The following AKR1D1 variants were observed in gnomAD, a reference collection of about 807,000 sequenced individuals.
AKR1D1 encodes delta(4)-3-ketosteroid 5-beta-reductase.
AKR1D1 carries 32 observed loss-of-function variants against 42.6 expected under a neutral mutation model. That is an observed-to-expected ratio of 0.75 (90% CI 0.57 to 1.01). AKR1D1 has a LOEUF of 1.01. Ranked by LOEUF, AKR1D1 falls within the 50% of genes least tolerant of loss-of-function variation. AKR1D1 has a pLI of 0.00. For synonymous variants in AKR1D1, 123 were observed against 135.5 expected (o/e 0.91, Z 0.64); for missense variants, 364 against 402.2 (o/e 0.91, Z 0.81).
At chr7:138,080,508 G>A (rs1441870056) in intron 1 of AKR1D1, among the ~76,000 whole-genome samples, 2 of 152,166 alleles carry the variant, frequency 1.3e-5, no homozygotes, top group African/African-American at 4.8e-5. Context: ...TTGAACTTCA[G>A]ATGAACAATG....
Position 138,105,476 on chromosome 7 carries a change from T to C in AKR1D1, c.579+47T>C, listed in dbSNP as rs1204079231. On this transcript the variant is annotated intron_variant, in intron 5 of 8. Transcript: ENST00000242375. The stretch of plus-strand genomic sequence containing the variant: ...TAGGGTGTGGGGAGTGGGGGCAGGA[T>C]TTACATGACACAAAGAAGCCTCAGC... 6.8e-6 allele frequency: 11 copies of C among 1,611,944 alleles called. No individual in the cohort carries two copies. In the Admixed American group the frequency reaches 1.0e-4, roughly 15 times the overall value.
At position 138,098,135 on chromosome 7, in the gene AKR1D1, T is replaced by C. The variant is rs1794220691; in HGVS notation, c.456+192T>C. On this transcript the variant is annotated intron_variant, in intron 4 of 8. Transcript: ENST00000242375. Reference sequence around the variant, plus strand: ...CTGGGTACTAAATAATTCTTACTTTTGTTTTGCTGGAATGCCAAAGAAAAG... The same window carrying C: ...CTGGGTACTAAATAATTCTTACTTTCGTTTTGCTGGAATGCCAAAGAAAAG... 3 of 547,114 alleles carry C rather than the reference T, an allele frequency of 5.5e-6. No individual in the cohort carries two copies. The Admixed American group carries it at 9.8e-5, about 18-fold the overall frequency. 33.9% of individuals were successfully genotyped at this position (547,114 alleles called of 1,614,324 possible).
chr7:138,087,511 A>G (rs73155736), intron 1 of AKR1D1, among the ~76,000 whole-genome samples: 14,856 of 152,248 alleles, frequency 0.098, 829 homozygotes, highest in South Asian at 0.18. Context: ...AATGTTCCTC[A>G]ACAATATTTT....
At chr7:138,094,691 T>C (rs1794151440) in intron 3 of AKR1D1, among the ~76,000 whole-genome samples, 1 of 152,132 alleles carries the variant, frequency 6.6e-6, no homozygotes, top group South Asian at 2.1e-4. Context: ...AATTTTTCAA[T>C]TTTTCTTTTG....
intron 7 of AKR1D1, among the ~76,000 whole-genome samples, chr7:138,113,245 G>A (rs926762651): frequency 6.6e-6 from 1 of 151,968 alleles, no homozygotes; most frequent in Non-Finnish European, 1.5e-5. Context: ...GAACCCAGGA[G>A]GTGGAGGTTG....
chr7:138,109,955 TA>T (rs1240646378), intron 7 of AKR1D1, among the ~76,000 whole-genome samples: 3 of 152,162 alleles, frequency 2.0e-5, no homozygotes, highest in Admixed American at 6.5e-5. Context: ...TCATTGTAAC[TA>T]ATTATGTTAT....
At chr7:138,078,507 A>G (rs141021397) in intron 1 of AKR1D1, among the ~76,000 whole-genome samples, 21 of 152,338 alleles carry the variant, frequency 1.4e-4, no homozygotes, top group Admixed American at 9.8e-4. Flanking sequence ...TACTCTTGGA[A>G]CAATTATATG....
chr7:138,101,388 T>C (rs984636169), intron 4 of AKR1D1, among the ~76,000 whole-genome samples: 4 of 151,904 alleles, frequency 2.6e-5, no homozygotes, highest in African/African-American at 9.7e-5. Context: ...TTAGTAGACA[T>C]GGGGTTTCAC....
At chr7:138,103,110 T>C (rs529666082) in intron 4 of AKR1D1, among the ~76,000 whole-genome samples, 10 of 151,592 alleles carry the variant, frequency 6.6e-5, no homozygotes, top group African/African-American at 2.2e-4. Flanking sequence ...GCAAAAATAA[T>C]GCATGATAAA....
At chr7:138,083,008 T>G (rs932828893) in intron 1 of AKR1D1, among the ~76,000 whole-genome samples, 2 of 152,236 alleles carry the variant, frequency 1.3e-5, no homozygotes, top group Non-Finnish European at 2.9e-5. Context: ...TTTATTTCCT[T>G]TGGATATATA....
rs756927635 is a variant in AKR1D1 at position 138,107,597 on chromosome 7, T to C, written c.855+17T>C. ...AATTTTCAGGTAAGAGAATTGCTTTTGGAGATGTGAAAAGATGGGTATGTT... is the reference window on the plus strand; with the variant it reads ...AATTTTCAGGTAAGAGAATTGCTTTCGGAGATGTGAAAAGATGGGTATGTT... On this transcript the variant is annotated intron_variant, in intron 7 of 8. Coordinates refer to ENST00000242375, the MANE Select transcript of AKR1D1 (RefSeq NM_005989.4). 1 of 1,612,830 alleles carries C rather than the reference T, an allele frequency of 6.2e-7. No homozygotes were observed. Among genetic ancestry groups the C allele is most frequent in the East Asian group, 2.2e-5 (1 of 44,862 alleles).
At chr7:138,111,673 G>A (rs1016920993) in intron 7 of AKR1D1, among the ~76,000 whole-genome samples, 2 of 152,050 alleles carry the variant, frequency 1.3e-5, no homozygotes, top group Non-Finnish European at 2.9e-5. Context: ...ATCCACATAC[G>A]ACAAGAAAAA....
At chr7:138,116,568 A>T in intron 8 of AKR1D1, 52 bp from the exon 9 acceptor site, 1 of 1,604,590 alleles carries the variant, frequency 6.2e-7, no homozygotes, top group South Asian at 1.1e-5. Flanking sequence ...TGAAACATAC[A>T]GCTGTGCAAT....
At chr7:138,094,277 G>A (rs1794141887) in intron 3 of AKR1D1, among the ~76,000 whole-genome samples, 1 of 152,144 alleles carries the variant, frequency 6.6e-6, no homozygotes, top group South Asian at 2.1e-4. Flanking sequence ...TACTTTGGGA[G>A]GCTAAGGCTG....
At chr7:138,098,249 C>A in intron 4 of AKR1D1, 1 of 252,758 alleles carries the variant, frequency 4.0e-6, no homozygotes, top group Non-Finnish European at 7.5e-6. Flanking sequence ...ATTCACAAAT[C>A]AAAAAATATA....
At chr7:138,085,725 G>C (rs546341912) in intron 1 of AKR1D1, among the ~76,000 whole-genome samples, 1 of 152,198 alleles carries the variant, frequency 6.6e-6, no homozygotes, top group African/African-American at 2.4e-5. Flanking sequence ...GGGATTACAG[G>C]TGTGAGCCAC....
chr7:138,086,543 C>T (rs770262757), intron 1 of AKR1D1, among the ~76,000 whole-genome samples: 1 of 152,172 alleles, frequency 6.6e-6, no homozygotes, highest in Non-Finnish European at 1.5e-5. Flanking sequence ...CTCTTATCTT[C>T]TCTATAGTGA....
rs59361346 is a variant in AKR1D1 at position 138,100,088 on chromosome 7, C to CAAAAAAAAAAAA, written c.456+2164_456+2175dup. Reference sequence around the variant, plus strand: ...TGGGCAATATAGCGAGATTTCATCTCAAAAAAAAAAAAAAAAAAAAAAAAA... The same window carrying CAAAAAAAAAAAA: ...TGGGCAATATAGCGAGATTTCATCTCAAAAAAAAAAAAAAAAAAAAAAAAAAAAAAAAAAAAA... On this transcript the variant is annotated intron_variant, in intron 4 of 8. Coordinates refer to ENST00000242375, the MANE Select transcript of AKR1D1 (RefSeq NM_005989.4). Among the ~76,000 whole-genome samples, 47 of 43,568 alleles carry CAAAAAAAAAAAA rather than the reference C, an allele frequency of 1.1e-3. 2 individuals are homozygous for CAAAAAAAAAAAA. The highest frequency in any genetic ancestry group is 3.0e-3 in the East Asian group (3 of 996). 28.6% of individuals were successfully genotyped at this position (43,568 alleles called of 152,430 possible).
intron 8 of AKR1D1, among the ~76,000 whole-genome samples, chr7:138,114,204 T>C (rs1054751153): frequency 3.9e-5 from 6 of 152,228 alleles, no homozygotes; most frequent in African/African-American, 1.2e-4. Context: ...AGCACTAGAT[T>C]GAAACCAAGA....
Sources: allele counts gnomAD v4.1 joint callset (sites outside exome capture counted in the v4.1 genomes callset), GRCh38; gene constraint gnomAD v4.1.1; transcripts MANE v1.5; gene names NCBI Gene and HGNC (gene_info 2026-07-23, HGNC 2026-07-21).